The following HSPA2 variants were observed in gnomAD, a reference collection of about 807,000 sequenced individuals.
The protein encoded by HSPA2 is heat shock-related 70 kDa protein 2.
In HSPA2, 13 loss-of-function variants were observed where a neutral mutation model predicts 35.0. That is an observed-to-expected ratio of 0.37 (90% CI 0.24 to 0.59). HSPA2 has a LOEUF of 0.59. Ranked by LOEUF, HSPA2 falls within the 20% of genes least tolerant of loss-of-function variation. The probability of loss-of-function intolerance (pLI) is 0.70; values close to 1 mark genes in which losing one functional copy is unlikely to be tolerated. For synonymous variants in HSPA2, 368 were observed against 382.1 expected, an observed-to-expected ratio of 0.96 and a Z score of 0.43; for missense variants, 565 against 885.4, an observed-to-expected ratio of 0.64 and a Z score of 4.59.
chr14:64,542,816 C>CTCT lies in HSPA2; in HGVS notation c.*48_*49insCTT, dbSNP rs1566643562. On this transcript the variant is annotated 3_prime_UTR_variant, in exon 1 of 1. Transcript: ENST00000247207. The surrounding 1 kb of genome is among the most constrained non-coding windows in gnomAD (Gnocchi z 5.7). ...AACCTCTTTGCCTTTCTCTCTCTCTCTTTTTTTTTGTTTGTTTCTTTGAAA... is the reference window on the plus strand; with the variant it reads ...AACCTCTTTGCCTTTCTCTCTCTCTCTCTTTTTTTTTTGTTTGTTTCTTTGAAA... 5 of 1,393,104 alleles carry CTCT rather than the reference C, an allele frequency of 3.6e-6. No individual in the cohort carries two copies. Among genetic ancestry groups the CTCT allele is most frequent in the East Asian group, 2.7e-5 (1 of 36,528 alleles). 86.3% of individuals were successfully genotyped at this position (1,393,104 alleles called of 1,614,324 possible). A position where few individuals can be genotyped will look rare whatever the true frequency, so the allele number is the denominator to read the frequency against.
At chr14:64,536,542 C>T (rs2079981647), upstream of HSPA2, among the ~76,000 whole-genome samples, 1 of 152,118 alleles carries the variant, frequency 6.6e-6, no homozygotes, top group Admixed American at 6.5e-5. Flanking sequence ...TGGTGGAGAG[C>T]TTGAGCTAAG....
Position 64,542,808 on chromosome 14 carries a change from C to G in HSPA2, c.*39C>G, listed in dbSNP as rs780291105. 6.8e-7 allele frequency: 1 copy of G among 1,465,792 alleles called. No homozygotes were observed. Among genetic ancestry groups the G allele is most frequent in the Non-Finnish European group, 9.0e-7 (1 of 1,111,650 alleles). The allele number at this position is 1,465,792 out of a possible 1,614,324, so 90.8% of individuals were successfully genotyped here. ...TCAGCGTAAACCTCTTTGCCTTTCT[C>G]TCTCTCTCTTTTTTTTTGTTTGTTT... On this transcript the variant is annotated 3_prime_UTR_variant, in exon 1 of 1. Transcript: ENST00000247207. This position sits in a 1 kb window ranked among gnomAD's most constrained non-coding sequence, Gnocchi z 5.7.
At chr14:64,537,662 C>T (rs994080975), upstream of HSPA2, among the ~76,000 whole-genome samples, 1 of 151,148 alleles carries the variant, frequency 6.6e-6, no homozygotes, top group African/African-American at 2.4e-5. Context: ...GATCTGTACT[C>T]ACAATTTATG....
In HSPA2 at chr14:64,543,083, T is replaced by C; in HGVS notation, c.*314T>C. On this transcript the variant is annotated 3_prime_UTR_variant, in exon 1 of 1. Coordinates refer to ENST00000247207, the MANE Select transcript of HSPA2 (RefSeq NM_021979.4). ...GTTTGCACACCTGTTCTGTAGAAGCTTGGAAACAGTAAAATATATAGGAGC... is the reference window on the plus strand; with the variant it reads ...GTTTGCACACCTGTTCTGTAGAAGCCTGGAAACAGTAAAATATATAGGAGC... 2.3e-6 allele frequency: 1 copy of C among 430,954 alleles called. No homozygotes were observed. 26.7% of individuals were successfully genotyped at this position (430,954 alleles called of 1,614,324 possible).
chr14:64,536,610 A>C (rs2140199458), upstream of HSPA2, among the ~76,000 whole-genome samples: 2 of 152,256 alleles, frequency 1.3e-5, no homozygotes, highest in South Asian at 4.1e-4. Flanking sequence ...AAATACAAAA[A>C]TTAGCCGGGC....
chr14:64,541,579 C>T lies in HSPA2; in HGVS notation c.730C>T (p.Leu244=), dbSNP rs1389635664. 8.7e-6 allele frequency: 14 copies of T among 1,612,260 alleles called. No homozygotes were observed. The highest frequency in any genetic ancestry group is 1.6e-4 in the Middle Eastern group (1 of 6,084). The change falls in exon 1 of 1, where the codon CTG becomes TTG. Residue 244 remains leucine, a synonymous_variant. Transcript: ENST00000247207. ...CTTCGACAACCGCATGGTGAGCCAC[C>T]TGGCGGAGGAGTTCAAGCGCAAGCA... ...EDFDNRMVSH[L]AEEFKRKHKK... is the part of the protein sequence containing the mutation.
upstream of HSPA2, chr14:64,540,602 T>A: frequency 1.7e-6 from 1 of 571,802 alleles, no homozygotes; most frequent in South Asian, 2.3e-5. Flanking sequence ...TGAAATCTGT[T>A]GGGTCACGGG....
upstream of HSPA2, among the ~76,000 whole-genome samples, chr14:64,537,975 T>G (rs1022499834): frequency 2.6e-5 from 4 of 152,134 alleles, no homozygotes; most frequent in Non-Finnish European, 5.9e-5. Context: ...TCCACGCGCC[T>G]CGGCCTCCCA....
rs2080043502 is a variant in HSPA2 at position 64,542,735 on chromosome 14, C to A, written c.1886C>A (p.Ala629Asp). ...GGGSGGGGSG[A>D]SGGPTIEEVD ...GGCAGCGGCGGCGGCGGTTCAGGAG[C>A]CTCCGGGGGACCCACCATCGAAGAA... is the stretch of plus-strand genomic sequence containing the variant. Residue 629 changes from alanine to aspartate, a missense_variant, in exon 1 of 1, where the codon GCC becomes GAC. Around this residue, in one of 4 missense-constraint regions of HSPA2, gnomAD observed 147 missense variants for 166.7 expected, o/e 0.88. Transcript: ENST00000247207. The surrounding 1 kb of genome is among the most constrained non-coding windows in gnomAD (Gnocchi z 5.7). 1.2e-6 allele frequency: 2 copies of A among 1,612,308 alleles called. No homozygotes were observed. The highest frequency in any genetic ancestry group is 1.7e-6 in the Non-Finnish European group (2 of 1,179,220).
Position 64,541,501 on chromosome 14 carries a change from G to T in HSPA2, c.652G>T (p.Gly218Cys). 1.2e-6 allele frequency: 2 copies of T among 1,609,156 alleles called. No homozygotes were observed. The highest frequency in any genetic ancestry group is 1.7e-4 in the Middle Eastern group (1 of 6,052). Reference protein sequence around the residue: ...FDVSILTIEDGIFEVKSTAGD... With the variant: ...FDVSILTIEDCIFEVKSTAGD... ...CGTGTCCATCCTGACCATCGAGGAT[G>T]GCATCTTCGAGGTGAAGTCCACGGC... The change falls in exon 1 of 1, where the codon GGC becomes TGC. Residue 218 changes from glycine (G) to cysteine (C), a missense_variant. Physicochemically the swap from Gly to Cys is radical, Grantham distance 159. Coordinates refer to ENST00000247207, the MANE Select transcript of HSPA2 (RefSeq NM_021979.4).
upstream of HSPA2, chr14:64,540,525 C>G: frequency 2.8e-6 from 1 of 355,328 alleles, no homozygotes; most frequent in Non-Finnish European, 5.1e-6. Context: ...CAGGGAGGAA[C>G]CTCATTTACA....
upstream of HSPA2, among the ~76,000 whole-genome samples, chr14:64,539,284 T>G (rs996152683): frequency 6.6e-6 from 1 of 152,072 alleles, no homozygotes; most frequent in Non-Finnish European, 1.5e-5. Context: ...AGAAAATCAT[T>G]CCATTCCATT....
In HSPA2 at chr14:64,541,038, C is replaced by A; in HGVS notation, c.189C>A (p.Asn63Lys). ...CCGCCAAGAACCAGGTGGCCATGAA[C>A]CCCACCAACACCATCTTCGACGCCA... The part of the protein sequence containing the change: ...GDAAKNQVAM[N>K]PTNTIFDAKR... Residue 63 changes from asparagine to lysine, a missense_variant, in exon 1 of 1, where the codon AAC (asparagine) becomes AAA (lysine). Asn to Lys is a moderately conservative substitution (Grantham distance 94, BLOSUM62 0). This residue lies in a region of HSPA2 where 183 missense variants were observed against 281.6 expected (regional missense o/e 0.65). Coordinates refer to ENST00000247207, the MANE Select transcript of HSPA2 (RefSeq NM_021979.4). 1 of 1,614,204 alleles carries A rather than the reference C, an allele frequency of 6.2e-7. No homozygotes were observed. Among genetic ancestry groups the A allele is most frequent in the Non-Finnish European group, 8.5e-7 (1 of 1,180,050 alleles).
rs1274154414 is a variant in HSPA2 at position 64,541,230 on chromosome 14, G to T, written c.381G>T (p.Lys127Asn). The T allele has an allele frequency of 6.2e-7, 1 of 1,614,152 alleles. No homozygotes were observed. The highest frequency in any genetic ancestry group is 1.1e-5 in the South Asian group (1 of 91,092). The change falls in exon 1 of 1, where the codon AAG (lysine) becomes AAT (asparagine). Residue 127 changes from lysine (K) to asparagine (N), a missense_variant. By Grantham distance (94) the Lys-to-Asn change is moderately conservative (BLOSUM62 0). This residue lies in a region of HSPA2 where 183 missense variants were observed against 281.6 expected (regional missense o/e 0.65). Transcript: ENST00000247207. ...AGATATCCTCCATGGTCCTCACGAA[G>T]ATGAAGGAGATCGCGGAAGCCTACC... ...PEEISSMVLT[K>N]MKEIAEAYLG... is the part of the protein sequence containing the mutation.
upstream of HSPA2, among the ~76,000 whole-genome samples, chr14:64,539,453 G>A (rs990422808): frequency 2.0e-5 from 3 of 152,142 alleles, no homozygotes; most frequent in Non-Finnish European, 2.9e-5. Flanking sequence ...AAGCACTTGC[G>A]ACCTAAAATA....
chr14:64,536,627 G>A (rs897127921), upstream of HSPA2, among the ~76,000 whole-genome samples: 2 of 152,266 alleles, frequency 1.3e-5, no homozygotes, highest in Non-Finnish European at 1.5e-5. Flanking sequence ...GGGCTTGGTG[G>A]TGCATGCCTG....
At chr14:64,535,917 C>T (rs45625140), upstream of HSPA2, 1,559 of 157,384 alleles carry the variant, frequency 9.9e-3, 21 homozygotes, top group African/African-American at 0.036. Context: ...CTCTTGCCTG[C>T]CGCCATGTGC....
chr14:64,536,486 T>A (rs1358758420), upstream of HSPA2, among the ~76,000 whole-genome samples: 1 of 152,060 alleles, frequency 6.6e-6, no homozygotes, highest in African/African-American at 2.4e-5. Context: ...ATTGGCCAGG[T>A]GTGGTGGCTC....
chr14:64,541,864 C>G lies in HSPA2; in HGVS notation c.1015C>G (p.Leu339Val), dbSNP rs760762597. ...CAAGGGCCAGATCCAGGAGATCGTG[C>G]TGGTGGGCGGCTCCACTCGTATCCC... is the stretch of plus-strand genomic sequence containing the variant. ...LDKGQIQEIV[L>V]VGGSTRIPKI... The change falls in exon 1 of 1, where the codon CTG becomes GTG. Residue 339 changes from leucine to valine, a missense_variant. Physicochemically the swap from Leu to Val is conservative, Grantham distance 32. Transcript: ENST00000247207. 1 of 1,613,632 alleles carries G rather than the reference C, an allele frequency of 6.2e-7. No individual in the cohort carries two copies. The highest frequency in any genetic ancestry group is 8.5e-7 in the Non-Finnish European group (1 of 1,180,042).
Sources: gnomAD v4.1 joint callset for allele counts (sites outside exome capture counted in the v4.1 genomes callset) on GRCh38, gnomAD v4.1.1 for gene constraint, gnomAD v4.1.1 regional missense constraint, Gnocchi (gnomAD v3.1) non-coding constraint, MANE v1.5 for transcripts, NCBI Gene and HGNC (gene_info 2026-07-23, HGNC 2026-07-21) for gene names.